Variants in CPNE3 observed in about 807,000 individuals in gnomAD.
CPNE3 encodes copine 3, also known as copine-3.
CPNE3 carries 68 observed loss-of-function variants against 63.9 expected under a neutral mutation model. That is an observed-to-expected ratio of 1.06 (90% confidence interval 0.87 to 1.30). The LOEUF is 1.30. CPNE3 is among the 50% of genes most tolerant of loss of function. The pLI, the probability that CPNE3 is intolerant of heterozygous loss-of-function variation, is 0.00. For missense variants in CPNE3, 665 were observed against 578.1 expected (o/e 1.15, Z -1.54); for synonymous variants, 219 against 197.5 (o/e 1.11, Z -0.91).
At chr8:86,538,135 G>A (rs1027762036) in intron 7 of CPNE3, among the ~76,000 whole-genome samples, 1 of 152,210 alleles carries the variant, frequency 6.6e-6, no homozygotes, top group Non-Finnish European at 1.5e-5. Context: ...AGCACTTTGG[G>A]AAGCCAAGGC....
At chr8:86,527,533 CT>C (rs1360111676) in intron 2 of CPNE3, among the ~76,000 whole-genome samples, 1 of 152,212 alleles carries the variant, frequency 6.6e-6, no homozygotes, top group Non-Finnish European at 1.5e-5. Flanking sequence ...CACACCTTCT[CT>C]CTGTAGAATA....
chr8:86,556,409 C>T (rs1821328116), intron 16 of CPNE3, 71 bp downstream of exon 16: 3 of 842,320 alleles, frequency 3.6e-6, no homozygotes, highest in Admixed American at 3.4e-5. Context: ...TACAACCAGG[C>T]AGTTGATTAG....
At chr8:86,531,655 C>T (rs1183749963) in intron 5 of CPNE3, among the ~76,000 whole-genome samples, 4 of 104,552 alleles carry the variant, frequency 3.8e-5, no homozygotes, top group Non-Finnish European at 6.7e-5. Context: ...GTCAATGAAC[C>T]TATAAACTCT....
chr8:86,539,626 C>T (rs962289821), intron 7 of CPNE3, among the ~76,000 whole-genome samples: 2 of 150,822 alleles, frequency 1.3e-5, no homozygotes, highest in African/African-American at 2.4e-5. Context: ...TGCAATGAAA[C>T]CCTCATTGCT....
At chr8:86,555,046 T>A in intron 15 of CPNE3, 62 bp downstream of exon 15, 1 of 1,600,980 alleles carries the variant, frequency 6.2e-7, no homozygotes, top group Non-Finnish European at 8.5e-7. Context: ...CTGGTGCCAT[T>A]TTTCTATGTT....
chr8:86,556,127 C>T lies in CPNE3; in HGVS notation c.1280C>T (p.Thr427Ile), dbSNP rs1821319262. Residue 427 changes from threonine to isoleucine, a missense_variant, in exon 16 of 17, where the codon ACT (threonine) becomes ATT (isoleucine). Physicochemically the swap from Thr to Ile is moderately conservative, Grantham distance 89 (BLOSUM62 -1). Transcript: ENST00000517490. ...CAATATTTTGTGCTTTTGATTATTA[C>T]TGATGGTGTGATCACAGACCTTGAT... is the stretch of plus-strand genomic sequence containing the variant. ...ASQYFVLLII[T>I]DGVITDLDET... is the part of the protein sequence containing the mutation. 1 of 872,856 alleles carries T rather than the reference C, an allele frequency of 1.1e-6. No homozygotes were observed. The highest frequency in any genetic ancestry group is 2.0e-6 in the Non-Finnish European group (1 of 501,686). 54.1% of individuals were successfully genotyped at this position (872,856 alleles called of 1,614,324 possible).
Position 86,548,300 on chromosome 8 carries a change from G to C in CPNE3, c.880-1G>C. 6.2e-7 allele frequency: 1 copy of C among 1,613,916 alleles called. No homozygotes were observed. Among genetic ancestry groups the C allele is most frequent in the Non-Finnish European group, 8.5e-7 (1 of 1,179,950 alleles). The stretch of plus-strand genomic sequence containing the variant: ...TAAGGGCTGCAATTGTTATTTGGCA[G>C]GTGGGAGTGGACTTCACTGGCTCCA... On this transcript the variant is annotated splice_acceptor_variant, in intron 11 of 16. Coordinates refer to ENST00000517490, the MANE Select transcript of CPNE3 (RefSeq NM_003909.5). LOFTEE classifies it high-confidence loss of function.
intron 4 of CPNE3, 40 bp from the exon 5 acceptor site, chr8:86,531,115 T>C: frequency 1.1e-6 from 1 of 874,178 alleles, no homozygotes; most frequent in Non-Finnish European, 2.0e-6. Context: ...ATTCTTAGGT[T>C]GAAGGGAAAT....
chr8:86,525,378 A>G (rs553734681), intron 2 of CPNE3, among the ~76,000 whole-genome samples: 1 of 152,366 alleles, frequency 6.6e-6, no homozygotes, highest in East Asian at 1.9e-4. Flanking sequence ...AAATGAAAAC[A>G]GTATCTTCAT....
At chr8:86,546,494 G>A in intron 9 of CPNE3, 101 bp from the exon 10 acceptor site, 1 of 1,163,808 alleles carries the variant, frequency 8.6e-7, no homozygotes, top group Non-Finnish European at 1.3e-6. Context: ...ACATCAGTAG[G>A]TAGTTTGATT....
chr8:86,528,025 T>A (rs937906737), intron 2 of CPNE3, among the ~76,000 whole-genome samples: 6 of 143,032 alleles, frequency 4.2e-5, no homozygotes, highest in African/African-American at 1.6e-4. Context: ...TATAGCTCAC[T>A]ACAGGCTCAA....
At chr8:86,540,410 A>G (rs1820911087) in intron 8 of CPNE3, 76 bp downstream of exon 8, 7 of 663,224 alleles carry the variant, frequency 1.1e-5, no homozygotes, top group South Asian at 3.9e-5. Flanking sequence ...AATACATAAG[A>G]TAGTATTTAA....
intron 6 of CPNE3, among the ~76,000 whole-genome samples, chr8:86,534,269 A>G (rs1161327513): frequency 6.6e-6 from 1 of 152,152 alleles, no homozygotes; most frequent in Non-Finnish European, 1.5e-5. Flanking sequence ...AGTTTCATCA[A>G]TGGTGGCATG....
At chr8:86,551,650 G>A (rs2304791) in intron 14 of CPNE3, 38,519 of 156,016 alleles carry the variant, frequency 0.25, 5,089 homozygotes, top group African/African-American at 0.33. Context: ...TTTTCAGAGT[G>A]GTAGTCACTC....
intron 14 of CPNE3, 141 bp from the exon 15 acceptor site, chr8:86,554,710 A>T: frequency 1.1e-6 from 1 of 940,202 alleles, no homozygotes; most frequent in African/African-American, 1.7e-5. Context: ...TACATAGCTT[A>T]GAGGAACTAC....
At position 86,531,273 on chromosome 8, in the gene CPNE3, A is replaced by T. The variant is rs746815558; in HGVS notation, c.387+44A>T. 5.8e-6 allele frequency: 5 copies of T among 868,586 alleles called. No homozygotes were observed. In the African/African-American group the frequency reaches 8.2e-5, roughly 14 times the overall value. 53.8% of individuals were successfully genotyped at this position (868,586 alleles called of 1,614,324 possible). ...TCTTTTGTCTCAAAAGATTTAGCAT[A>T]ACAGGACATGCCGAAACTGTCCATA... On this transcript the variant is annotated intron_variant, in intron 5 of 16. Transcript: ENST00000517490.
At chr8:86,530,477 T>C (rs1197668870) in intron 4 of CPNE3, among the ~76,000 whole-genome samples, 1 of 152,010 alleles carries the variant, frequency 6.6e-6, no homozygotes, top group Non-Finnish European at 1.5e-5. Context: ...GCCTTGAATC[T>C]TATTTATTGA....
chr8:86,534,422 G>A (rs1299189744), intron 6 of CPNE3, among the ~76,000 whole-genome samples: 2 of 152,100 alleles, frequency 1.3e-5, no homozygotes, highest in East Asian at 3.9e-4. Context: ...TTGGGAGGCC[G>A]AGGTAGGTGG....
chr8:86,545,265 A>G (rs1356284070), intron 9 of CPNE3: 1 of 153,060 alleles, frequency 6.5e-6, no homozygotes, highest in Admixed American at 6.5e-5. Context: ...CGTGGCCAGC[A>G]GTTCCATCCA....
Sources: gnomAD v4.1 joint callset for allele counts (sites outside exome capture counted in the v4.1 genomes callset) on GRCh38, gnomAD v4.1.1 for gene constraint, MANE v1.5 for transcripts, NCBI Gene and HGNC (gene_info 2026-07-23, HGNC 2026-07-21) for gene names.